TEX12: variants seen among roughly 807,000 people sequenced by gnomAD.
TEX12 encodes the protein testis-expressed protein 12.
In TEX12, 7 loss-of-function variants were observed where a neutral mutation model predicts 14.6. The ratio of observed to expected loss-of-function variants is 0.48; its 90% confidence interval spans 0.27 to 0.90. The LOEUF (loss-of-function observed/expected upper bound fraction) is 0.90. TEX12 is among the 40% of genes least tolerant of loss of function. The probability of loss-of-function intolerance (pLI) is 0.12; values close to 1 mark genes in which losing one functional copy is unlikely to be tolerated. For missense variants in TEX12, 121 were observed against 135.7 expected (o/e 0.89, Z 0.54); for synonymous variants, 57 against 49.1 (o/e 1.16, Z -0.67).
rs1349583353 is a variant in TEX12, at chr11:112,172,340, T to G, written c.*424T>G. On this transcript the variant is annotated 3_prime_UTR_variant, in exon 5 of 5. Coordinates refer to ENST00000280358, the MANE Select transcript of TEX12 (RefSeq NM_031275.4). ...TTTAAATATCAGATAGTTTTGGAGA[T>G]AATTTTGAAATTTTTTTTATGGTCA... is the stretch of plus-strand genomic sequence containing the variant. 1 of 152,000 alleles carries G rather than the reference T, an allele frequency of 6.6e-6. No individual in the cohort carries two copies. Among genetic ancestry groups the G allele is most frequent in the East Asian group, 1.9e-4 (1 of 5,204 alleles). The allele number at this position is 152,000 out of a possible 1,614,324, so 9.4% of individuals were successfully genotyped here. A position where few individuals can be genotyped will look rare whatever the true frequency, so the allele number is the denominator to read the frequency against.
In TEX12 at chr11:112,171,976, C is replaced by T. The variant is rs534166881; in HGVS notation, c.*60C>T. 20 of 1,270,418 alleles carry T rather than the reference C, an allele frequency of 1.6e-5. No individual in the cohort carries two copies. The highest frequency in any genetic ancestry group is 2.4e-4 in the Middle Eastern group (1 of 4,250). The allele number at this position is 1,270,418 out of a possible 1,614,324, so 78.7% of individuals were successfully genotyped here. A position where few individuals can be genotyped will look rare whatever the true frequency, so the allele number is the denominator to read the frequency against. Reference sequence around the variant, plus strand: ...TATTATTGTTATAATGAAAGAATGACATTTATGCTTTGAAAGCTCTCGAGT... The same window carrying T: ...TATTATTGTTATAATGAAAGAATGATATTTATGCTTTGAAAGCTCTCGAGT... On this transcript the variant is annotated 3_prime_UTR_variant, in exon 5 of 5. Transcript: ENST00000280358.
rs1866740568 is a variant in TEX12, at chr11:112,167,490, GCGAGGATGGAAACTTCC to G, written c.-17+4_-17+20del. On this transcript the variant is annotated splice_donor_5th_base_variant and intron_variant, in intron 1 of 4. Coordinates refer to ENST00000280358, the MANE Select transcript of TEX12 (RefSeq NM_031275.4). ...GACGGACTGTGACACAAGGAAGGGTGCGAGGATGGAAACTTCCTCTGAGGGGCTCTAGTGGGGCGGAA... is the reference window on the plus strand; with the variant it reads ...GACGGACTGTGACACAAGGAAGGGTGTCTGAGGGGCTCTAGTGGGGCGGAA... The G allele has an allele frequency of 6.6e-6, 1 of 152,580 alleles. No homozygotes were observed. The highest frequency in any genetic ancestry group is 2.4e-5 in the African/African-American group (1 of 41,436). 9.5% of individuals were successfully genotyped at this position (152,580 alleles called of 1,614,324 possible). A position where few individuals can be genotyped will look rare whatever the true frequency, so the allele number is the denominator to read the frequency against.
chr11:112,168,992 G>A (rs1866759716), intron 1 of TEX12, among the ~76,000 whole-genome samples: 1 of 152,174 alleles, frequency 6.6e-6, no homozygotes, highest in African/African-American at 2.4e-5. Context: ...GGACCTTGAA[G>A]GCCATATCAT....
chr11:112,172,522 A>G lies in TEX12; in HGVS notation c.*606A>G, dbSNP rs1866804301. The G allele has an allele frequency of 6.6e-6, 1 of 152,144 alleles. No individual in the cohort carries two copies. The highest frequency in any genetic ancestry group is 2.4e-5 in the African/African-American group (1 of 41,452). 9.4% of individuals were successfully genotyped at this position (152,144 alleles called of 1,614,324 possible). On this transcript the variant is annotated 3_prime_UTR_variant, in exon 5 of 5. Coordinates refer to ENST00000280358, the MANE Select transcript of TEX12 (RefSeq NM_031275.4). ...GGCTTAAAATTATTTTCTTGTGGTA[A>G]AAGTAGTAAAATAAAAACCAGAAAT...
intron 3 of TEX12, 44 bp from the exon 4 acceptor site, chr11:112,170,576 CAGA>C (rs773317774): frequency 1.9e-6 from 3 of 1,587,632 alleles, no homozygotes; most frequent in South Asian, 1.1e-5. Flanking sequence ...TCTTATAATG[CAGA>C]AGGTTTGTTA....
chr11:112,170,918 G>A (rs1259075968), intron 4 of TEX12, among the ~76,000 whole-genome samples: 1 of 151,670 alleles, frequency 6.6e-6, no homozygotes, highest in East Asian at 1.9e-4. Flanking sequence ...TATATATCTT[G>A]GTCTGTAATT....
chr11:112,171,500 G>A (rs1866789539), intron 4 of TEX12, among the ~76,000 whole-genome samples: 2 of 151,930 alleles, frequency 1.3e-5, no homozygotes, highest in Admixed American at 1.3e-4. Context: ...TTGGATAGTG[G>A]TTTGTGTGGC....
At chr11:112,169,944 G>A (rs922584909) in intron 2 of TEX12, among the ~76,000 whole-genome samples, 1 of 152,202 alleles carries the variant, frequency 6.6e-6, no homozygotes, top group Non-Finnish European at 1.5e-5. Context: ...GCTGAGGCAG[G>A]AGTATCGTTT....
intron 4 of TEX12, 116 bp from the exon 5 acceptor site, chr11:112,171,656 C>A: frequency 1.5e-6 from 1 of 654,268 alleles, no homozygotes. Context: ...TAATGAAGTT[C>A]TGTGGCACAT....
At chr11:112,169,095 A>G (rs1480339928) in intron 1 of TEX12, 158 bp from the exon 2 acceptor site, 10 of 640,370 alleles carry the variant, frequency 1.6e-5, no homozygotes, top group Non-Finnish European at 2.5e-5. Context: ...AGCAGTTGAT[A>G]GAATGATTTA....
At position 112,169,286 on chromosome 11, in the gene TEX12, T is replaced by C. The variant is rs770657801; in HGVS notation, c.18T>C (p.Leu6=). Residue 6 remains leucine (L), a synonymous_variant, in exon 2 of 5, where the codon CTT becomes CTC. Transcript: ENST00000280358. ...TTCGGAATATGATGGCAAATCACCT[T>C]GTAAAGCCTGATAATAGAAATTGCA... MMANH[L]VKPDNRNCKR... The C allele has an allele frequency of 1.2e-5, 19 of 1,613,972 alleles. No homozygotes were observed. Among genetic ancestry groups the C allele is most frequent in the Non-Finnish European group, 1.4e-5 (17 of 1,179,832 alleles).
intron 1 of TEX12, among the ~76,000 whole-genome samples, chr11:112,168,219 A>G (rs1427504942): frequency 6.6e-6 from 1 of 152,250 alleles, no homozygotes; most frequent in Non-Finnish European, 1.5e-5. Context: ...CAAAAACAAC[A>G]AAGTCAATTG....
Position 112,170,501 on chromosome 11 carries a change from A to G in TEX12, c.146A>G (p.Lys49Arg), listed in dbSNP as rs1866777359. Residue 49 changes from lysine (K) to arginine (R), a missense_variant, in exon 3 of 5, where the codon AAA becomes AGA. By Grantham distance (26) the Lys-to-Arg change is conservative. Coordinates refer to ENST00000280358, the MANE Select transcript of TEX12 (RefSeq NM_031275.4). ...SFSEISGLFY[K>R]DEALEKDLND... is the part of the protein sequence containing the mutation. ...TCTGAAATTTCCGGACTATTTTATAAAGATGAAGCCTTGGAGAAAGATTTA... is the reference window on the plus strand; with the variant it reads ...TCTGAAATTTCCGGACTATTTTATAGAGATGAAGCCTTGGAGAAAGATTTA... The G allele has an allele frequency of 6.2e-7, 1 of 1,613,032 alleles. No individual in the cohort carries two copies. The highest frequency in any genetic ancestry group is 1.1e-5 in the South Asian group (1 of 91,012).
chr11:112,171,835 T>C lies in TEX12; in HGVS notation c.291T>C (p.Asn97=). 1 of 1,600,650 alleles carries C rather than the reference T, an allele frequency of 6.2e-7. No individual in the cohort carries two copies. Among genetic ancestry groups the C allele is most frequent in the Non-Finnish European group, 8.5e-7 (1 of 1,174,430 alleles). ...TAGATGAACTCTTCAAAGAAGCCAATGCTATTGAAAACTTTCTAATACAAA... is the reference window on the plus strand; with the variant it reads ...TAGATGAACTCTTCAAAGAAGCCAACGCTATTGAAAACTTTCTAATACAAA... ...DEIDELFKEA[N]AIENFLIQKR... is the part of the protein sequence containing the mutation. The change falls in exon 5 of 5, where the codon AAT becomes AAC. Residue 97 remains asparagine, a synonymous_variant. Transcript: ENST00000280358.
intron 4 of TEX12, 22 bp downstream of exon 4, chr11:112,170,696 T>C (rs754816856): frequency 3.2e-6 from 5 of 1,578,924 alleles, no homozygotes; most frequent in Non-Finnish European, 3.5e-6. Context: ...TAGTATATTC[T>C]CTGGGGTCTT....
rs12294058 is a variant in TEX12, at chr11:112,170,487, C to T, written c.132C>T (p.Ser44=). Residue 44 remains serine, a synonymous_variant, in exon 3 of 5, where the codon TCC becomes TCT. Coordinates refer to ENST00000280358, the MANE Select transcript of TEX12 (RefSeq NM_031275.4). ...CAGATTCATCTTTCTCTGAAATTTC[C>T]GGACTATTTTATAAAGATGAAGCCT... ...GKSDSSFSEI[S]GLFYKDEALE... The T allele has an allele frequency of 1.2e-4, 195 of 1,613,406 alleles. No individual in the cohort carries two copies. In the African/African-American group the frequency reaches 1.6e-3, roughly 14 times the overall value.
In TEX12 at chr11:112,171,866, G is replaced by C. The variant is rs905327637; in HGVS notation, c.322G>C (p.Glu108Gln). 1.9e-6 allele frequency: 3 copies of C among 1,596,924 alleles called. No individual in the cohort carries two copies. Among genetic ancestry groups the C allele is most frequent in the Admixed American group, 3.5e-5 (2 of 56,744 alleles). ...TGAAAACTTTCTAATACAAAAAAGA[G>C]AGTTCCTGCGACAGAGGTTTACAGT... ...AIENFLIQKR[E>Q]FLRQRFTVIA... Residue 108 changes from glutamate to glutamine, a missense_variant, in exon 5 of 5, where the codon GAG (glutamate) becomes CAG (glutamine). By Grantham distance (29) the Glu-to-Gln change is conservative. Transcript: ENST00000280358.
chr11:112,171,964 A>T lies in TEX12; in HGVS notation c.*48A>T. ...AGAATTTAAACCTATTATTGTTATA[A>T]TGAAAGAATGACATTTATGCTTTGA... On this transcript the variant is annotated 3_prime_UTR_variant, in exon 5 of 5. Coordinates refer to ENST00000280358, the MANE Select transcript of TEX12 (RefSeq NM_031275.4). 1 of 1,305,472 alleles carries T rather than the reference A, an allele frequency of 7.7e-7. No homozygotes were observed. Among genetic ancestry groups the T allele is most frequent in the Non-Finnish European group, 1.0e-6 (1 of 995,370 alleles). The allele number at this position is 1,305,472 out of a possible 1,614,324, so 80.9% of individuals were successfully genotyped here. A position where few individuals can be genotyped will look rare whatever the true frequency, so the allele number is the denominator to read the frequency against.
At chr11:112,171,664 C>G in intron 4 of TEX12, 108 bp from the exon 5 acceptor site, 1 of 712,204 alleles carries the variant, frequency 1.4e-6, no homozygotes. Context: ...TTCTGTGGCA[C>G]ATAAAGCCAT....
Sources: allele counts gnomAD v4.1 joint callset (sites outside exome capture counted in the v4.1 genomes callset), GRCh38; gene constraint gnomAD v4.1.1; transcripts MANE v1.5; gene names NCBI Gene and HGNC (gene_info 2026-07-23, HGNC 2026-07-21).